The following THSD7B variants were observed in gnomAD, a reference collection of about 807,000 sequenced individuals.
THSD7B encodes thrombospondin type-1 domain-containing protein 7B.
Under a neutral mutation model 213.6 loss-of-function variants are expected in THSD7B, and 138 were observed. That is an observed-to-expected ratio of 0.65 (90% CI 0.56 to 0.74). The LOEUF (loss-of-function observed/expected upper bound fraction) is 0.74. THSD7B is among the 30% of genes least tolerant of loss of function. The pLI is 0.00. For missense variants in THSD7B, 1,931 were observed against 1,991.5 expected (o/e 0.97, Z 0.58); for synonymous variants, 742 against 687.0 (o/e 1.08, Z -1.25).
At chr2:137,066,442 C>T (rs1687383666) in intron 3 of THSD7B, among the ~76,000 whole-genome samples, 1 of 152,058 alleles carries the variant, frequency 6.6e-6, no homozygotes, top group South Asian at 2.1e-4. Context: ...AATCTGCCCA[C>T]TTCGGCCTCC....
At chr2:137,088,025 A>C in intron 3 of THSD7B, among the ~76,000 whole-genome samples, 1 of 152,226 alleles carries the variant, frequency 6.6e-6, no homozygotes, top group Admixed American at 6.5e-5. Flanking sequence ...GGATTGCCTG[A>C]GTTCAGGAGT....
intron 20 of THSD7B, among the ~76,000 whole-genome samples, chr2:137,624,841 A>T (rs1451179981): frequency 6.6e-6 from 1 of 152,198 alleles, no homozygotes; most frequent in Non-Finnish European, 1.5e-5. Flanking sequence ...GCTGGAGAGG[A>T]TGTGGAGAAA....
intron 14 of THSD7B, among the ~76,000 whole-genome samples, chr2:137,422,601 T>G (rs536506792): frequency 6.6e-6 from 1 of 152,256 alleles, no homozygotes; most frequent in East Asian, 1.9e-4. Flanking sequence ...CTAGTTTTCA[T>G]CAGGCATTTT....
intron 1 of THSD7B, among the ~76,000 whole-genome samples, chr2:136,799,813 C>T (rs1682143510): frequency 1.3e-5 from 2 of 151,924 alleles, no homozygotes; most frequent in East Asian, 1.9e-4. Context: ...TCTTAAACGC[C>T]CATTCTTATT....
intron 15 of THSD7B, among the ~76,000 whole-genome samples, chr2:137,455,896 G>T (rs930372196): frequency 6.6e-6 from 1 of 152,124 alleles, no homozygotes; most frequent in African/African-American, 2.4e-5. Flanking sequence ...TTAAAGCCCT[G>T]TTGGACTTAC....
intron 3 of THSD7B, among the ~76,000 whole-genome samples, chr2:137,059,672 G>C (rs958853046): frequency 6.6e-6 from 1 of 151,582 alleles, no homozygotes; most frequent in South Asian, 2.1e-4. Flanking sequence ...TTTGCAATAC[G>C]CATTTAAGTT....
intron 1 of THSD7B, among the ~76,000 whole-genome samples, chr2:136,787,867 T>C (rs2465091): frequency 0.99 from 149,932 of 152,152 alleles, 73,917 homozygotes; most frequent in East Asian, 1. Context: ...TCTCCTTCTG[T>C]CCTAAGGCTG....
chr2:137,141,847 A>G (rs748271859), intron 5 of THSD7B, among the ~76,000 whole-genome samples: 8 of 152,076 alleles, frequency 5.3e-5, no homozygotes, highest in Non-Finnish European at 1.2e-4. Flanking sequence ...GTTACAGTCT[A>G]GAAGTTACAT....
chr2:137,177,408 G>C (rs1430756074), intron 7 of THSD7B, among the ~76,000 whole-genome samples: 1 of 152,174 alleles, frequency 6.6e-6, no homozygotes. Context: ...TCTACTGGGT[G>C]TTAAGGTAAT....
chr2:137,266,828 T>TACC (rs971308856), intron 10 of THSD7B, among the ~76,000 whole-genome samples: 1 of 152,322 alleles, frequency 6.6e-6, no homozygotes, highest in Middle Eastern at 3.4e-3. Context: ...ACTCCTGTTC[T>TACC]ACCACCCACT....
chr2:137,073,390 G>A (rs1395886033), intron 3 of THSD7B, among the ~76,000 whole-genome samples: 1 of 152,188 alleles, frequency 6.6e-6, no homozygotes, highest in African/African-American at 2.4e-5. Flanking sequence ...GTTTATTTGT[G>A]TAGAGGTGTT....
intron 11 of THSD7B, among the ~76,000 whole-genome samples, chr2:137,275,001 C>A (rs77544661): frequency 0.027 from 4,099 of 152,006 alleles, 108 homozygotes; most frequent in Middle Eastern, 0.099. Flanking sequence ...ATCAGAGGTA[C>A]TGGCTCATAT....
intron 2 of THSD7B, among the ~76,000 whole-genome samples, chr2:136,894,859 T>C (rs953907180): frequency 6.6e-6 from 1 of 152,214 alleles, no homozygotes; most frequent in Non-Finnish European, 1.5e-5. Flanking sequence ...TAATATACTT[T>C]AGCTGTTTCA....
chr2:137,335,862 A>G (rs2104900529), intron 12 of THSD7B, among the ~76,000 whole-genome samples: 1 of 152,104 alleles, frequency 6.6e-6, no homozygotes, highest in South Asian at 2.1e-4. Flanking sequence ...CAAGTTTGAA[A>G]TGTTTGCTTT....
At position 137,411,781 on chromosome 2, in the gene THSD7B, C is replaced by T; in HGVS notation, c.2868C>T (p.Ser956=). The part of the protein sequence containing the change: ...PHRGLRVQAD[S]KECGEGLRFR... ...GAGGACTGCGGGTACAAGCAGACAG[C>T]AAAGAATGTGGAGAAGGCCTGCGCT... Residue 956 remains serine, a synonymous_variant, in exon 14 of 28, where the codon AGC becomes AGT. Coordinates refer to ENST00000409968, the MANE Select transcript of THSD7B (RefSeq NM_001316349.2). The T allele has an allele frequency of 6.2e-7, 1 of 1,613,878 alleles. No individual in the cohort carries two copies. Among genetic ancestry groups the T allele is most frequent in the South Asian group, 1.1e-5 (1 of 91,076 alleles).
chr2:137,652,292 C>T (rs1683155452), intron 21 of THSD7B, among the ~76,000 whole-genome samples: 1 of 152,048 alleles, frequency 6.6e-6, no homozygotes, highest in Non-Finnish European at 1.5e-5. Context: ...TGAATTGACA[C>T]CTTTAATAGT....
chr2:136,892,480 C>A (rs1344853887), intron 2 of THSD7B, among the ~76,000 whole-genome samples: 4 of 149,808 alleles, frequency 2.7e-5, no homozygotes, highest in Middle Eastern at 3.2e-3. Context: ...CAAATAGGAA[C>A]ATTTTTTCTA....
chr2:136,844,003 A>G (rs933953978), intron 1 of THSD7B, among the ~76,000 whole-genome samples: 3 of 151,996 alleles, frequency 2.0e-5, no homozygotes, highest in Non-Finnish European at 4.4e-5. Flanking sequence ...TTCAAACTAT[A>G]CTCTGAGAGG....
chr2:137,026,793 G>T (rs189416984), intron 2 of THSD7B, among the ~76,000 whole-genome samples: 214 of 152,212 alleles, frequency 1.4e-3, no homozygotes, highest in Admixed American at 2.8e-3. Flanking sequence ...ATAAGGATTT[G>T]TCCTCCTTTT....
Sources: gnomAD v4.1 joint callset for allele counts (sites outside exome capture counted in the v4.1 genomes callset) on GRCh38, gnomAD v4.1.1 for gene constraint, MANE v1.5 for transcripts, NCBI Gene and HGNC (gene_info 2026-07-23, HGNC 2026-07-21) for gene names.